The following MGA variants were observed in gnomAD, a reference collection of about 807,000 sequenced individuals.
The protein encoded by MGA is MAX dimerization protein MGA.
Under a neutral mutation model 261.1 loss-of-function variants are expected in MGA, and 40 were observed. That is an observed-to-expected ratio of 0.15 (90% CI 0.12 to 0.20). MGA has a LOEUF of 0.20. MGA is among the 10% of genes least tolerant of loss of function. The probability of loss-of-function intolerance (pLI) is 1.00; values close to 1 mark genes in which losing one functional copy is unlikely to be tolerated. For synonymous variants in MGA, 1,302 were observed against 1,290.6 expected (o/e 1.01, Z -0.19); for missense variants, 3,397 against 3,630.5 (o/e 0.94, Z 1.65).
rs1255249471 is a variant in MGA, at chr15:41,723,881, T to C, written c.3431-3299T>C. On this transcript the variant is annotated intron_variant, in intron 9 of 23. Transcript: ENST00000219905. The stretch of plus-strand genomic sequence containing the variant: ...TGACAGATTAACCATTTCCTACTTA[T>C]TCACAGTTGAAATTTTAAAATTGTC... 3.3e-5 allele frequency among the ~76,000 whole-genome samples: 5 copies of C among 152,220 alleles called. No individual in the cohort carries two copies. The East Asian group carries it at 7.7e-4, about 23-fold the overall frequency.
intron 1 of MGA, among the ~76,000 whole-genome samples, chr15:41,635,528 T>C (rs1435426696): frequency 6.7e-6 from 1 of 150,162 alleles, no homozygotes. Context: ...CCCCCCCTCC[T>C]ATAAAAAATT....
At chr15:41,754,616 G>A (rs1470756934) in intron 18 of MGA, 49 bp downstream of exon 18, 1 of 1,485,282 alleles carries the variant, frequency 6.7e-7, no homozygotes, top group Non-Finnish European at 9.0e-7. Context: ...TTTGTAACCA[G>A]AAACAAAATG....
chr15:41,743,196 G>C (rs1262990155), intron 15 of MGA, 24 bp downstream of exon 15: 1 of 1,576,242 alleles, frequency 6.3e-7, no homozygotes, highest in Non-Finnish European at 8.6e-7. Flanking sequence ...GTTACTAGCT[G>C]CTTTATTTTA....
At chr15:41,624,591 C>A (rs983798714) in intron 1 of MGA, among the ~76,000 whole-genome samples, 2 of 151,720 alleles carry the variant, frequency 1.3e-5, no homozygotes, top group African/African-American at 2.4e-5. Flanking sequence ...CCTTGGCCTC[C>A]CAAAGTGCTC....
chr15:41,693,122 G>A (rs1311169871), intron 2 of MGA, among the ~76,000 whole-genome samples: 2 of 152,068 alleles, frequency 1.3e-5, no homozygotes, highest in Non-Finnish European at 1.5e-5. Flanking sequence ...TTACAGGCAC[G>A]AGCCACCACA....
chr15:41,758,584 C>A (rs907519377), intron 19 of MGA, among the ~76,000 whole-genome samples: 1 of 152,142 alleles, frequency 6.6e-6, no homozygotes, highest in African/African-American at 2.4e-5. Context: ...TCAGATATAA[C>A]AAGAATTTTC....
At chr15:41,721,172 A>G (rs952337052) in intron 9 of MGA, among the ~76,000 whole-genome samples, 1 of 152,140 alleles carries the variant, frequency 6.6e-6, no homozygotes, top group Non-Finnish European at 1.5e-5. Context: ...CAACTTTAAA[A>G]TAAGAAATTC....
Position 41,710,728 on chromosome 15 carries a change from T to C in MGA, c.2463T>C (p.Ala821=). The stretch of plus-strand genomic sequence containing the variant: ...AAAGTTCACTGAAAAATCGTTCTGC[T>C]TTCTGTAGTGATAAGCTAGATGAAT... Residue 821 remains alanine, a synonymous_variant, in exon 8 of 24, where the codon GCT becomes GCC. Transcript: ENST00000219905. 4 of 1,612,602 alleles carry C rather than the reference T, an allele frequency of 2.5e-6. No individual in the cohort carries two copies. The highest frequency in any genetic ancestry group is 3.4e-6 in the Non-Finnish European group (4 of 1,179,404).
chr15:41,748,975 C>T (rs2062675599), intron 16 of MGA, 48 bp downstream of exon 16: 2 of 1,589,722 alleles, frequency 1.3e-6, no homozygotes, highest in Non-Finnish European at 1.7e-6. Context: ...ATCACTTGGC[C>T]ATATGGTATG....
chr15:41,639,511 G>A (rs1435238765), intron 1 of MGA, among the ~76,000 whole-genome samples: 2 of 148,532 alleles, frequency 1.3e-5, no homozygotes, highest in Non-Finnish European at 3.0e-5. Flanking sequence ...TCAGGAGCAT[G>A]TAGTTTTTTT....
chr15:41,737,454 T>C (rs907108656), intron 13 of MGA, among the ~76,000 whole-genome samples: 1 of 151,956 alleles, frequency 6.6e-6, no homozygotes, highest in African/African-American at 2.4e-5. Context: ...CATGCATGGC[T>C]GAAAATTTTA....
chr15:41,707,846 C>T lies in MGA; in HGVS notation c.2307C>T (p.Asn769=). 1 of 1,613,130 alleles carries T rather than the reference C, an allele frequency of 6.2e-7. No homozygotes were observed. Among genetic ancestry groups the T allele is most frequent in the Non-Finnish European group, 8.5e-7 (1 of 1,179,622 alleles). Residue 769 remains asparagine, a synonymous_variant, in exon 6 of 24, where the codon AAC becomes AAT. Coordinates refer to ENST00000219905, the MANE Select transcript of MGA (RefSeq NM_001164273.2). ...CTTTTTGGAACCTTACAGGAACCAA[C>T]CCTGCCTCTCCTGGTGAGTATGTAA...
At chr15:41,683,479 G>A (rs1227691294) in intron 2 of MGA, among the ~76,000 whole-genome samples, 1 of 151,810 alleles carries the variant, frequency 6.6e-6, no homozygotes, top group African/African-American at 2.4e-5. Flanking sequence ...TAGTCCTCGT[G>A]CCTCAGCCTG....
intron 11 of MGA, among the ~76,000 whole-genome samples, chr15:41,729,973 A>G (rs1490191633): frequency 6.6e-6 from 1 of 150,726 alleles, no homozygotes; most frequent in African/African-American, 2.4e-5. Flanking sequence ...GCTCAGTGCA[A>G]CCTCTGCCTC....
intron 13 of MGA, among the ~76,000 whole-genome samples, chr15:41,737,323 T>C (rs982489658): frequency 6.6e-6 from 1 of 151,718 alleles, no homozygotes; most frequent in East Asian, 1.9e-4. Context: ...TTTTTGTTTT[T>C]GTTTTTTTTT....
At chr15:41,675,299 A>T (rs1255032391) in intron 2 of MGA, among the ~76,000 whole-genome samples, 1 of 152,032 alleles carries the variant, frequency 6.6e-6, no homozygotes, top group Non-Finnish European at 1.5e-5. Context: ...TTGTTAGCAC[A>T]TGTGGTATTG....
At position 41,669,844 on chromosome 15, in the gene MGA, C is replaced by G; in HGVS notation, c.950C>G (p.Ser317Ter). 1 of 1,613,934 alleles carries G rather than the reference C, an allele frequency of 6.2e-7. No individual in the cohort carries two copies. The highest frequency in any genetic ancestry group is 8.5e-7 in the Non-Finnish European group (1 of 1,179,876). ...CCTTTGTCAAGGGGTCATGAAACAT[C>G]AGGCAAGGGTTTGGAGAAGACTTCC... is the stretch of plus-strand genomic sequence containing the variant. The change falls in exon 2 of 24, where the codon TCA becomes TGA. Residue 317 changes from serine (S) to a stop codon, truncating the protein, a stop_gained. Coordinates refer to ENST00000219905, the MANE Select transcript of MGA (RefSeq NM_001164273.2). LOFTEE classifies it high-confidence loss of function.
chr15:41,667,782 A>G (rs1178428986), intron 1 of MGA, among the ~76,000 whole-genome samples: 1 of 152,096 alleles, frequency 6.6e-6, no homozygotes, highest in Non-Finnish European at 1.5e-5. Flanking sequence ...AGATTAAAAA[A>G]TTTACAGAAT....
At chr15:41,624,397 T>C (rs2056393639) in intron 1 of MGA, among the ~76,000 whole-genome samples, 1 of 151,760 alleles carries the variant, frequency 6.6e-6, no homozygotes, top group South Asian at 2.1e-4. Flanking sequence ...ACAGGCAGAC[T>C]ATGCCGCCGC....
Sources: allele counts gnomAD v4.1 joint callset (sites outside exome capture counted in the v4.1 genomes callset), GRCh38; gene constraint gnomAD v4.1.1; transcripts MANE v1.5; gene names NCBI Gene and HGNC (gene_info 2026-07-23, HGNC 2026-07-21).